The following EXOSC5 variants were observed in gnomAD, a reference collection of about 807,000 sequenced individuals.
EXOSC5 encodes exosome complex component RRP46.
EXOSC5 carries 15 observed loss-of-function variants against 23.7 expected under a neutral mutation model. The ratio of observed to expected loss-of-function variants is 0.63; its 90% CI spans 0.42 to 0.97. The LOEUF (loss-of-function observed/expected upper bound fraction) is 0.97. Among genes scored for constraint, EXOSC5 ranks in the 50% least tolerant of loss-of-function variants. EXOSC5 has a pLI of 0.00. For synonymous variants in EXOSC5, 143 were observed against 140.9 expected, an observed-to-expected ratio of 1.02 and a Z score of -0.11; for missense variants, 305 against 316.3, an observed-to-expected ratio of 0.96 and a Z score of 0.27.
chr19:41,393,060 A>T, intron 1 of EXOSC5, 80 bp from the exon 2 acceptor site: 1 of 1,132,622 alleles, frequency 8.8e-7, no homozygotes, highest in Non-Finnish European at 1.3e-6. Flanking sequence ...CCTGACGGCC[A>T]GGGCTCCCCA....
Position 41,386,699 on chromosome 19 carries a change from C to A in EXOSC5, c.642G>T (p.Gln214His). The change falls in exon 6 of 6, where the codon CAG becomes CAT. Residue 214 changes from glutamine to histidine, a missense_variant. Transcript: ENST00000221233. ...AACGGAAGACGTGTTGCGAAGCGGC[C>A]TGGGCCGCAGCCAGGCACTGCTGGA... ...TELQQCLAAAQAASQHVFRFY... is the reference protein window; with the variant it reads ...TELQQCLAAAHAASQHVFRFY... The A allele has an allele frequency of 1.2e-6, 2 of 1,601,100 alleles. No homozygotes were observed. Among genetic ancestry groups the A allele is most frequent in the East Asian group, 2.3e-5 (1 of 44,440 alleles).
At chr19:41,388,450 G>A (rs1371208742) in intron 4 of EXOSC5, among the ~76,000 whole-genome samples, 1 of 152,216 alleles carries the variant, frequency 6.6e-6, no homozygotes, top group Non-Finnish European at 1.5e-5. Flanking sequence ...GGTGGGGTGG[G>A]TTCTGGACCT....
intron 1 of EXOSC5, among the ~76,000 whole-genome samples, chr19:41,394,004 G>A (rs1040024623): frequency 2.2e-4 from 33 of 152,176 alleles, no homozygotes; most frequent in African/African-American, 8.0e-4. Flanking sequence ...CTGGACACCT[G>A]AGAAAGGGAT....
intron 4 of EXOSC5, among the ~76,000 whole-genome samples, chr19:41,389,228 G>A (rs915782607): frequency 1.3e-5 from 2 of 152,070 alleles, no homozygotes; most frequent in Non-Finnish European, 2.9e-5. Flanking sequence ...TTACAGGTGT[G>A]AGCCACCACA....
chr19:41,392,877 A>C lies in EXOSC5; in HGVS notation c.252T>G (p.Ile84Met). ...GCAGGGCCCAATTACCAGGCAGCCC[A>C]ATCTTCGGCCTCAGGATCACTTCGA... ...ATLEVILRPK[I>M]GLPGVAEKSR... Residue 84 changes from isoleucine (I) to methionine (M), a missense_variant, in exon 2 of 6, where the codon ATT (isoleucine) becomes ATG (methionine). By Grantham distance (10) the Ile-to-Met change is conservative (BLOSUM62 1). Transcript: ENST00000221233. 6.2e-7 allele frequency: 1 copy of C among 1,613,930 alleles called. No homozygotes were observed. The highest frequency in any genetic ancestry group is 8.5e-7 in the Non-Finnish European group (1 of 1,179,966).
intron 1 of EXOSC5, among the ~76,000 whole-genome samples, chr19:41,394,537 CAG>C (rs2039047486): frequency 6.6e-6 from 1 of 151,906 alleles, no homozygotes; most frequent in Non-Finnish European, 1.5e-5. Context: ...TTTTTTGGGA[CAG>C]AGTTTCCCTC....
At chr19:41,390,595 C>T (rs1232567962) in intron 3 of EXOSC5, among the ~76,000 whole-genome samples, 1 of 152,218 alleles carries the variant, frequency 6.6e-6, no homozygotes, top group Non-Finnish European at 1.5e-5. Context: ...AGGCCCGAAA[C>T]TTGGGTAGCA....
chr19:41,394,311 G>A (rs945815926), intron 1 of EXOSC5, among the ~76,000 whole-genome samples: 1 of 151,866 alleles, frequency 6.6e-6, no homozygotes, highest in African/African-American at 2.4e-5. Context: ...CGGGGAGGCG[G>A]AGGTTGCAGT....
At position 41,397,266 on chromosome 19, in the gene EXOSC5, A is replaced by G. The variant is rs2039078244; in HGVS notation, c.63T>C (p.Pro21=). 2 of 1,614,184 alleles carry G rather than the reference A, an allele frequency of 1.2e-6. No individual in the cohort carries two copies. The highest frequency in any genetic ancestry group is 1.7e-6 in the Non-Finnish European group (2 of 1,180,012). ...IRAENGTGSS[P]RGPGCSLRHF... The stretch of plus-strand genomic sequence containing the variant: ...GCCGGAGGCTGCAGCCAGGACCCCG[A>G]GGGCTGGACCCTGTTCCATTTTCAG... The change falls in exon 1 of 6, where the codon CCT becomes CCC. Residue 21 remains proline, a synonymous_variant. Transcript: ENST00000221233.
Position 41,392,952 on chromosome 19 carries a change from G to A in EXOSC5, c.177C>T (p.Tyr59=), listed in dbSNP as rs148206160. The A allele has an allele frequency of 8.1e-6, 13 of 1,613,274 alleles. No homozygotes were observed. The highest frequency in any genetic ancestry group is 3.3e-5 in the South Asian group (3 of 91,028). The change falls in exon 2 of 6, where the codon TAC becomes TAT. Residue 59 remains tyrosine (Y), a synonymous_variant. Transcript: ENST00000221233. The stretch of plus-strand genomic sequence containing the variant: ...TGCTGACCTTCACCTCGGCCGGCCC[G>A]TACACACCCGCCAGGACAGAGGTGT... ...QGDTSVLAGV[Y]GPAEVKVSKE...
Position 41,386,581 on chromosome 19 carries a change from T to G in EXOSC5, c.*52A>C. 1.3e-6 allele frequency: 2 copies of G among 1,526,750 alleles called. No individual in the cohort carries two copies. Among genetic ancestry groups the G allele is most frequent in the Non-Finnish European group, 1.8e-6 (2 of 1,127,376 alleles). 94.6% of individuals were successfully genotyped at this position (1,526,750 alleles called of 1,614,324 possible). On this transcript the variant is annotated 3_prime_UTR_variant, in exon 6 of 6. Transcript: ENST00000221233. Reference sequence around the variant, plus strand: ...TGGGCTGCTGGTTTGCTTCAGGCTGTAGGGGGTGAGTGGGTGGAGGCAATG... The same window carrying G: ...TGGGCTGCTGGTTTGCTTCAGGCTGGAGGGGGTGAGTGGGTGGAGGCAATG...
chr19:41,393,757 A>C (rs1191455326), intron 1 of EXOSC5, among the ~76,000 whole-genome samples: 1 of 151,390 alleles, frequency 6.6e-6, no homozygotes, highest in Non-Finnish European at 1.5e-5. Flanking sequence ...ACTGGGTTTC[A>C]CCATGTTGGT....
Position 41,389,757 on chromosome 19 carries a change from A to T in EXOSC5, c.525+8T>A. ...CTGCCCTTCAGCCACCCTGGTCTTC[A>T]CACCTACCTTTTCTTGCTTGGATGT... On this transcript the variant is annotated splice_region_variant and intron_variant, in intron 4 of 5. Coordinates refer to ENST00000221233, the MANE Select transcript of EXOSC5 (RefSeq NM_020158.4). 2 of 1,611,500 alleles carry T rather than the reference A, an allele frequency of 1.2e-6. No individual in the cohort carries two copies. Among genetic ancestry groups the T allele is most frequent in the Non-Finnish European group, 1.7e-6 (2 of 1,178,958 alleles).
At chr19:41,387,325 T>A (rs1242788164) in intron 5 of EXOSC5, among the ~76,000 whole-genome samples, 189 bp downstream of exon 5, 1 of 152,204 alleles carries the variant, frequency 6.6e-6, no homozygotes, top group Non-Finnish European at 1.5e-5. Context: ...GCCTGTGTTA[T>A]AAATTGGGCT....
intron 1 of EXOSC5, 116 bp downstream of exon 1, chr19:41,397,065 A>C: frequency 8.3e-7 from 1 of 1,210,074 alleles, no homozygotes; most frequent in Non-Finnish European, 1.2e-6. Context: ...CGGACAAGAA[A>C]TCATGCATCA....
chr19:41,387,248 C>T (rs2038991067), intron 5 of EXOSC5, among the ~76,000 whole-genome samples: 1 of 152,204 alleles, frequency 6.6e-6, no homozygotes, highest in Non-Finnish European at 1.5e-5. Flanking sequence ...GCTCACCACT[C>T]TGAGCTGGGA....
chr19:41,388,826 A>AGCTTAG, intron 4 of EXOSC5, among the ~76,000 whole-genome samples: 1 of 152,282 alleles, frequency 6.6e-6, no homozygotes, highest in South Asian at 2.1e-4. Context: ...ATGGAAATGG[A>AGCTTAG]GCTTAAGGGG....
At chr19:41,389,363 T>G (rs1298251474) in intron 4 of EXOSC5, among the ~76,000 whole-genome samples, 2 of 152,162 alleles carry the variant, frequency 1.3e-5, no homozygotes, top group Admixed American at 6.5e-5. Flanking sequence ...CGTCCTGGGT[T>G]CAAGCGATTC....
At chr19:41,392,257 A>G in intron 2 of EXOSC5, 3 of 434,822 alleles carry the variant, frequency 6.9e-6, no homozygotes, top group Non-Finnish European at 1.2e-5. Flanking sequence ...GTCAGTGGGG[A>G]CTGAGGGATA....
Sources: gnomAD v4.1 joint callset for allele counts (sites outside exome capture counted in the v4.1 genomes callset) on GRCh38, gnomAD v4.1.1 for gene constraint, MANE v1.5 for transcripts, NCBI Gene and HGNC (gene_info 2026-07-23, HGNC 2026-07-21) for gene names.